ABTB3: variants seen among roughly 807,000 people sequenced by gnomAD.
ABTB3 encodes the protein ankyrin repeat and BTB domain containing 3.
chr12:107,495,398 G>A, the ABTB3 span, among the ~76,000 whole-genome samples: 2 of 152,210 alleles, frequency 1.3e-5, no homozygotes, highest in Admixed American at 6.5e-5. Context: ...AAGCCCCAGC[G>A]GGGATGGCCC....
chr12:107,476,412 A>G, the ABTB3 span, among the ~76,000 whole-genome samples: 2 of 152,100 alleles, frequency 1.3e-5, no homozygotes, highest in African/African-American at 4.8e-5. Context: ...CGGTATTAGG[A>G]GACCTGGATT....
the ABTB3 span, among the ~76,000 whole-genome samples, chr12:107,349,706 A>T: frequency 6.6e-6 from 1 of 152,212 alleles, no homozygotes; most frequent in Non-Finnish European, 1.5e-5. Context: ...TAAATGAGGA[A>T]TTTTATTTTA....
the ABTB3 span, among the ~76,000 whole-genome samples, chr12:107,521,446 T>A: frequency 6.6e-6 from 1 of 152,148 alleles, no homozygotes; most frequent in Non-Finnish European, 1.5e-5. Flanking sequence ...TTAACACAAA[T>A]GATTCCATTT....
chr12:107,646,844 G>A, the ABTB3 span, among the ~76,000 whole-genome samples: 2 of 152,138 alleles, frequency 1.3e-5, no homozygotes, highest in Non-Finnish European at 2.9e-5. Flanking sequence ...GACCTGTGGT[G>A]GGGTGGAGAT....
the ABTB3 span, among the ~76,000 whole-genome samples, chr12:107,542,380 G>T: frequency 5.3e-5 from 8 of 151,764 alleles, no homozygotes; most frequent in Non-Finnish European, 7.4e-5. Context: ...AACATATTCT[G>T]GTGTGCATGA....
the ABTB3 span, among the ~76,000 whole-genome samples, chr12:107,448,637 C>CT: frequency 0.014 from 2,087 of 148,072 alleles, 21 homozygotes; most frequent in Non-Finnish European, 0.02. Context: ...TTCTTTCTTT[C>CT]TTTCTTTCTT....
the ABTB3 span, among the ~76,000 whole-genome samples, chr12:107,587,760 C>G: frequency 4.6e-5 from 7 of 152,232 alleles, no homozygotes; most frequent in African/African-American, 1.7e-4. Context: ...AATACACACA[C>G]GTGTATTTGC....
the ABTB3 span, among the ~76,000 whole-genome samples, chr12:107,568,542 T>C: frequency 6.6e-6 from 1 of 152,194 alleles, no homozygotes; most frequent in Non-Finnish European, 1.5e-5. Flanking sequence ...GTTAAATTAG[T>C]TAAAATTTTA....
At chr12:107,599,548 G>A in the ABTB3 span, among the ~76,000 whole-genome samples, 1,974 of 152,306 alleles carry the variant, frequency 0.013, 46 homozygotes, top group African/African-American at 0.043. Context: ...AAAGGCTGGC[G>A]ACTTGGTCCT....
the ABTB3 span, among the ~76,000 whole-genome samples, chr12:107,499,872 G>T: frequency 0.012 from 1,771 of 152,088 alleles, 43 homozygotes; most frequent in African/African-American, 0.041. Context: ...TTTTAGTAGA[G>T]ACAGGGTTTC....
the ABTB3 span, among the ~76,000 whole-genome samples, chr12:107,356,996 AAGG>A: frequency 6.6e-6 from 1 of 152,222 alleles, no homozygotes; most frequent in Non-Finnish European, 1.5e-5. Flanking sequence ...CTACTGATTG[AAGG>A]TTAGCTGTAA....
the ABTB3 span, among the ~76,000 whole-genome samples, chr12:107,563,901 G>C: frequency 2.0e-5 from 3 of 152,136 alleles, no homozygotes; most frequent in South Asian, 2.1e-4. Context: ...TGTAGGTTGA[G>C]GCTAATTAAT....
chr12:107,589,008 C>T, the ABTB3 span, among the ~76,000 whole-genome samples: 11 of 152,232 alleles, frequency 7.2e-5, no homozygotes, highest in Non-Finnish European at 1.3e-4. Context: ...CTGGCTGCAC[C>T]GCTTACTCTC....
the ABTB3 span, among the ~76,000 whole-genome samples, chr12:107,521,448 A>T: frequency 6.6e-6 from 1 of 152,076 alleles, no homozygotes; most frequent in African/African-American, 2.4e-5. Flanking sequence ...AACACAAATG[A>T]TTCCATTTTA....
chr12:107,395,168 C>A, the ABTB3 span, among the ~76,000 whole-genome samples: 1,236 of 152,294 alleles, frequency 8.1e-3, 13 homozygotes, highest in Middle Eastern at 0.024. Context: ...ATTCTCTGCC[C>A]CACTGCCATT....
the ABTB3 span, among the ~76,000 whole-genome samples, chr12:107,394,454 G>C: frequency 6.6e-6 from 1 of 152,174 alleles, no homozygotes; most frequent in East Asian, 1.9e-4. Context: ...GTAACAGTGG[G>C]TATGGCATCC....
the ABTB3 span, among the ~76,000 whole-genome samples, chr12:107,652,703 A>C: frequency 3.9e-5 from 6 of 152,150 alleles, no homozygotes; most frequent in Non-Finnish European, 7.4e-5. Context: ...ATCAGCTCTC[A>C]AACCAGTCTT....
the ABTB3 span, among the ~76,000 whole-genome samples, chr12:107,344,724 G>T: frequency 6.6e-6 from 1 of 152,222 alleles, no homozygotes; most frequent in Non-Finnish European, 1.5e-5. Flanking sequence ...TTAAAGCAGA[G>T]GTAGAGCCAG....
the ABTB3 span, among the ~76,000 whole-genome samples, chr12:107,579,978 C>G: frequency 2.0e-5 from 3 of 152,186 alleles, no homozygotes; most frequent in African/African-American, 7.2e-5. Context: ...GGATATAGAG[C>G]CAGATGATTC....
Sources: allele counts gnomAD v4.1 joint callset (sites outside exome capture counted in the v4.1 genomes callset), GRCh38; gene constraint gnomAD v4.1.1; transcripts MANE v1.5; gene names NCBI Gene and HGNC (gene_info 2026-07-23, HGNC 2026-07-21).